Variants in CCSER1 observed in about 807,000 individuals in gnomAD.
CCSER1 encodes coiled-coil serine rich protein 1.
CCSER1 carries 41 observed loss-of-function variants against 82.0 expected under a neutral mutation model. The ratio of observed to expected loss-of-function variants is 0.50; its 90% CI spans 0.39 to 0.65. CCSER1 has a LOEUF of 0.65. Ranked by LOEUF, CCSER1 falls within the 30% of genes least tolerant of loss-of-function variation. The probability of loss-of-function intolerance (pLI) is 0.00; values close to 1 mark genes in which losing one functional copy is unlikely to be tolerated. For missense variants in CCSER1, 1,119 were observed against 1,064.2 expected, an observed-to-expected ratio of 1.05 and a Z score of -0.72; for synonymous variants, 414 against 383.9, an observed-to-expected ratio of 1.08 and a Z score of -0.92.
chr4:90,244,875 G>A (rs978769058), intron 1 of CCSER1, among the ~76,000 whole-genome samples: 3 of 152,052 alleles, frequency 2.0e-5, no homozygotes, highest in Admixed American at 6.6e-5. Context: ...ATGTTTAGAG[G>A]TATCATAGAC....
chr4:90,854,117 A>G (rs891979608), intron 8 of CCSER1, among the ~76,000 whole-genome samples: 16 of 152,302 alleles, frequency 1.1e-4, no homozygotes, highest in African/African-American at 3.1e-4. Flanking sequence ...TCAAGAAGCT[A>G]GAGATACAAA....
At chr4:90,925,280 A>G (rs1036585553) in intron 9 of CCSER1, among the ~76,000 whole-genome samples, 1 of 152,170 alleles carries the variant, frequency 6.6e-6, no homozygotes, top group African/African-American at 2.4e-5. Flanking sequence ...TTTCAGAAAA[A>G]TGAAGTCACT....
intron 4 of CCSER1, among the ~76,000 whole-genome samples, chr4:90,460,605 G>T (rs946761880): frequency 6.6e-6 from 1 of 151,930 alleles, no homozygotes; most frequent in Non-Finnish European, 1.5e-5. Context: ...TTTACTTCAG[G>T]ATATTGACAG....
chr4:91,150,970 T>C (rs559639192), intron 10 of CCSER1, among the ~76,000 whole-genome samples: 1 of 152,348 alleles, frequency 6.6e-6, no homozygotes, highest in South Asian at 2.1e-4. Context: ...GGTATCAGGA[T>C]GATGCTGGCC....
intron 10 of CCSER1, among the ~76,000 whole-genome samples, chr4:91,532,517 G>C (rs559019382): frequency 2.0e-5 from 3 of 152,128 alleles, no homozygotes; most frequent in Admixed American, 6.6e-5. Flanking sequence ...AGTAAAGTTA[G>C]ATAAAAGGCA....
At chr4:91,410,382 A>G (rs1350225448) in intron 10 of CCSER1, among the ~76,000 whole-genome samples, 4 of 152,174 alleles carry the variant, frequency 2.6e-5, no homozygotes, top group East Asian at 1.9e-4. Context: ...ACAGAATGTA[A>G]TTTACTCACA....
At chr4:90,712,914 TTTTA>T (rs1740913886) in intron 6 of CCSER1, among the ~76,000 whole-genome samples, 1 of 151,078 alleles carries the variant, frequency 6.6e-6, no homozygotes, top group African/African-American at 2.4e-5. Flanking sequence ...TTTTTTTTTT[TTTTA>T]ATCATTGTTG....
chr4:91,504,938 T>G (rs1482216643), intron 10 of CCSER1, among the ~76,000 whole-genome samples: 1 of 152,210 alleles, frequency 6.6e-6, no homozygotes, highest in Non-Finnish European at 1.5e-5. Context: ...TTTTATTCTT[T>G]AAAAAAATTA....
chr4:91,084,272 A>C (rs1723132772), intron 9 of CCSER1, among the ~76,000 whole-genome samples: 1 of 152,162 alleles, frequency 6.6e-6, no homozygotes, highest in African/African-American at 2.4e-5. Flanking sequence ...CATGTGTAAT[A>C]ATGATAAAAA....
At chr4:91,218,781 C>A (rs1227605215) in intron 10 of CCSER1, among the ~76,000 whole-genome samples, 4 of 152,122 alleles carry the variant, frequency 2.6e-5, no homozygotes, top group Admixed American at 2.6e-4. Context: ...CTTATATTAC[C>A]ATAAGTGACC....
chr4:91,338,271 A>G (rs1164566413), intron 10 of CCSER1, among the ~76,000 whole-genome samples: 1 of 152,142 alleles, frequency 6.6e-6, no homozygotes, highest in Non-Finnish European at 1.5e-5. Context: ...TTAATTATAA[A>G]CCTGTAAATA....
At position 90,453,766 on chromosome 4, in the gene CCSER1, A is replaced by G. The variant is rs897905836; in HGVS notation, c.1604-14468A>G. Among the ~76,000 whole-genome samples, 6 of 147,104 alleles carry G rather than the reference A, an allele frequency of 4.1e-5. 1 individual carries two copies. The highest frequency in any genetic ancestry group is 2.1e-4 in the South Asian group (1 of 4,692). Reference sequence around the variant, plus strand: ...CTACAACTAAGGGGTTGAGAAAACTATTGGGTTAAAGGCTTTCCTGAGACA... The same window carrying G: ...CTACAACTAAGGGGTTGAGAAAACTGTTGGGTTAAAGGCTTTCCTGAGACA... On this transcript the variant is annotated intron_variant, in intron 4 of 10. Transcript: ENST00000509176.
intron 9 of CCSER1, among the ~76,000 whole-genome samples, chr4:90,931,272 CTTTAA>C (rs1348897244): frequency 6.6e-6 from 1 of 151,532 alleles, no homozygotes; most frequent in African/African-American, 2.4e-5. Flanking sequence ...TAGATGCATT[CTTTAA>C]TTTTTCTGTG....
At chr4:91,483,285 T>C (rs576112712) in intron 10 of CCSER1, among the ~76,000 whole-genome samples, 48 of 152,168 alleles carry the variant, frequency 3.2e-4, no homozygotes, top group Non-Finnish European at 5.6e-4. Flanking sequence ...GAATTTGATG[T>C]TACATTTCTA....
At chr4:91,095,518 G>A (rs565649334) in intron 10 of CCSER1, among the ~76,000 whole-genome samples, 11 of 152,152 alleles carry the variant, frequency 7.2e-5, no homozygotes, top group East Asian at 1.9e-4. Flanking sequence ...GCTATCTCCC[G>A]TAACTGCGAG....
chr4:90,135,352 A>G (rs1392159418), intron 1 of CCSER1, among the ~76,000 whole-genome samples: 1 of 151,578 alleles, frequency 6.6e-6, no homozygotes, highest in East Asian at 1.9e-4. Flanking sequence ...TTGAAAAAAA[A>G]CAACAACTGG....
At chr4:91,250,505 G>T (rs72670908) in intron 10 of CCSER1, among the ~76,000 whole-genome samples, 3 of 151,950 alleles carry the variant, frequency 2.0e-5, no homozygotes, top group Non-Finnish European at 4.4e-5. Context: ...AGGCAAATAG[G>T]TATATTTCAT....
intron 3 of CCSER1, among the ~76,000 whole-genome samples, chr4:90,380,030 T>C (rs931502973): frequency 2.6e-5 from 4 of 152,144 alleles, no homozygotes; most frequent in Admixed American, 2.0e-4. Context: ...AGAGGGATGG[T>C]GCTAAACTAT....
At chr4:90,590,232 C>T (rs1782528844) in intron 5 of CCSER1, among the ~76,000 whole-genome samples, 1 of 152,094 alleles carries the variant, frequency 6.6e-6, no homozygotes, top group South Asian at 2.1e-4. Context: ...CAAGATCATG[C>T]CACTGCACTC....
Sources: gnomAD v4.1 joint callset for allele counts (sites outside exome capture counted in the v4.1 genomes callset) on GRCh38, gnomAD v4.1.1 for gene constraint, MANE v1.5 for transcripts, NCBI Gene and HGNC (gene_info 2026-07-23, HGNC 2026-07-21) for gene names.